The following SLC44A1 variants were observed in gnomAD, a reference collection of about 807,000 sequenced individuals.
The protein encoded by SLC44A1 is solute carrier family 44 member 1.
In SLC44A1, 26 loss-of-function variants were observed where a neutral mutation model predicts 79.3. The ratio of observed to expected loss-of-function variants is 0.33; its 90% CI spans 0.24 to 0.46. SLC44A1 has a LOEUF of 0.46. Among genes scored for constraint, SLC44A1 ranks in the 20% least tolerant of loss-of-function variants. The probability of loss-of-function intolerance (pLI) is 1.00; values close to 1 mark genes in which losing one functional copy is unlikely to be tolerated. For synonymous variants in SLC44A1, 263 were observed against 286.2 expected, an observed-to-expected ratio of 0.92 and a Z score of 0.82; for missense variants, 688 against 798.1, an observed-to-expected ratio of 0.86 and a Z score of 1.66.
At chr9:105,314,183 T>C (rs1394819186) in intron 3 of SLC44A1, among the ~76,000 whole-genome samples, 1 of 152,150 alleles carries the variant, frequency 6.6e-6, no homozygotes, top group African/African-American at 2.4e-5. Context: ...GTGTGTGGAC[T>C]GAGCTGGGAC....
chr9:105,333,559 C>T (rs575728284), intron 3 of SLC44A1, among the ~76,000 whole-genome samples: 1 of 152,138 alleles, frequency 6.6e-6, no homozygotes, highest in African/African-American at 2.4e-5. Context: ...CCTGTAATCC[C>T]AGCACTTTGG....
chr9:105,309,132 G>A (rs1482424149), intron 2 of SLC44A1, among the ~76,000 whole-genome samples: 2 of 152,210 alleles, frequency 1.3e-5, no homozygotes, highest in Admixed American at 6.5e-5. Context: ...TTGCAGGAAG[G>A]AAACAGAAGT....
chr9:105,377,989 C>T (rs1564468210), intron 13 of SLC44A1, among the ~76,000 whole-genome samples: 1 of 151,806 alleles, frequency 6.6e-6, no homozygotes, highest in Admixed American at 6.6e-5. Context: ...GGCTCACGCC[C>T]ATAATCCCAA....
intron 5 of SLC44A1, among the ~76,000 whole-genome samples, chr9:105,353,863 A>G (rs907478739): frequency 6.6e-6 from 1 of 152,076 alleles, no homozygotes; most frequent in African/African-American, 2.4e-5. Context: ...TTTGAAGGAT[A>G]GAGAACCAGG....
chr9:105,311,563 C>T (rs753480577), intron 3 of SLC44A1, among the ~76,000 whole-genome samples: 42 of 152,144 alleles, frequency 2.8e-4, no homozygotes, highest in Non-Finnish European at 4.4e-4. Flanking sequence ...ATTCTATGTA[C>T]CTTTCAGCCT....
intron 15 of SLC44A1, among the ~76,000 whole-genome samples, chr9:105,408,488 C>T (rs1231945567): frequency 6.6e-6 from 1 of 152,164 alleles, no homozygotes; most frequent in East Asian, 1.9e-4. Flanking sequence ...CAGCTCACTG[C>T]AACCTCCACC....
At chr9:105,277,577 C>G (rs1207650281) in intron 1 of SLC44A1, among the ~76,000 whole-genome samples, 2 of 152,042 alleles carry the variant, frequency 1.3e-5, no homozygotes, top group African/African-American at 4.8e-5. Flanking sequence ...AAAAAACAAG[C>G]AAACAAAAAC....
At chr9:105,365,365 T>C (rs1484446302) in intron 10 of SLC44A1, 118 bp from the exon 11 acceptor site, 10 of 707,616 alleles carry the variant, frequency 1.4e-5, no homozygotes, top group African/African-American at 8.9e-5. Context: ...GTCATAAAGC[T>C]AAAATAAGAA....
rs377682751 is a variant in SLC44A1 at position 105,365,661 on chromosome 9, G to C, written c.1410+22G>C. ...AAAGGTAAGGGGAAAATGCATTTCTGTACTTTCTGTGGGCACATTCCAGAC... is the reference window on the plus strand; with the variant it reads ...AAAGGTAAGGGGAAAATGCATTTCTCTACTTTCTGTGGGCACATTCCAGAC... On this transcript the variant is annotated intron_variant, in intron 11 of 15. Transcript: ENST00000374720. 8 of 1,606,022 alleles carry C rather than the reference G, an allele frequency of 5.0e-6. No individual in the cohort carries two copies. The Admixed American group carries it at 8.4e-5, about 17-fold the overall frequency.
chr9:105,342,591 CT>C (rs1164402659), intron 4 of SLC44A1, among the ~76,000 whole-genome samples: 1 of 152,132 alleles, frequency 6.6e-6, no homozygotes, highest in Non-Finnish European at 1.5e-5. Context: ...TCAGACAGTT[CT>C]TCTCCTTTCT....
intron 3 of SLC44A1, among the ~76,000 whole-genome samples, chr9:105,323,856 A>G (rs1381965925): frequency 6.6e-6 from 1 of 152,128 alleles, no homozygotes; most frequent in Non-Finnish European, 1.5e-5. Flanking sequence ...TATAAAATCA[A>G]TTCAGAGTAA....
intron 15 of SLC44A1, among the ~76,000 whole-genome samples, chr9:105,433,756 A>G (rs1289242501): frequency 6.6e-6 from 1 of 152,202 alleles, no homozygotes; most frequent in East Asian, 1.9e-4. Context: ...AAATGCCTAA[A>G]GATGCTCACA....
intron 4 of SLC44A1, among the ~76,000 whole-genome samples, chr9:105,346,633 A>G (rs1281845774): frequency 6.6e-6 from 1 of 152,096 alleles, no homozygotes; most frequent in Admixed American, 6.6e-5. Flanking sequence ...TTTGTTTGCC[A>G]TTATTGTCAT....
intron 15 of SLC44A1, among the ~76,000 whole-genome samples, chr9:105,406,653 G>C (rs1318529282): frequency 6.6e-6 from 1 of 152,126 alleles, no homozygotes; most frequent in Non-Finnish European, 1.5e-5. Context: ...GAGGTGGGAG[G>C]CTTCCTTGAG....
intron 3 of SLC44A1, among the ~76,000 whole-genome samples, chr9:105,334,703 G>A (rs1187372196): frequency 6.6e-6 from 1 of 152,134 alleles, no homozygotes; most frequent in Non-Finnish European, 1.5e-5. Flanking sequence ...TTCTCTTTGA[G>A]CAAATGTTAG....
chr9:105,310,488 A>G (rs931518376), intron 3 of SLC44A1, among the ~76,000 whole-genome samples: 4 of 152,182 alleles, frequency 2.6e-5, no homozygotes, highest in Non-Finnish European at 5.9e-5. Context: ...TATTTTATGT[A>G]TGATGCTAAT....
intron 12 of SLC44A1, among the ~76,000 whole-genome samples, chr9:105,370,337 G>A (rs1420305787): frequency 6.6e-6 from 1 of 152,170 alleles, no homozygotes; most frequent in Non-Finnish European, 1.5e-5. Flanking sequence ...CCTACCTTGG[G>A]AGTGAGTGAA....
intron 1 of SLC44A1, among the ~76,000 whole-genome samples, chr9:105,254,816 G>T (rs1045469260): frequency 2.0e-5 from 3 of 152,150 alleles, no homozygotes; most frequent in Non-Finnish European, 4.4e-5. Flanking sequence ...TAGTATTCTT[G>T]CAGGCCATGG....
At chr9:105,400,884 A>G (rs1256766151), downstream of SLC44A1, among the ~76,000 whole-genome samples, 2 of 152,232 alleles carry the variant, frequency 1.3e-5, no homozygotes, top group Non-Finnish European at 2.9e-5. Flanking sequence ...TACTCTTTTC[A>G]TATTCATTGT....
Sources: allele counts gnomAD v4.1 joint callset (sites outside exome capture counted in the v4.1 genomes callset), GRCh38; gene constraint gnomAD v4.1.1; transcripts MANE v1.5; gene names NCBI Gene and HGNC (gene_info 2026-07-23, HGNC 2026-07-21).